The following PDE3B variants were observed in gnomAD, a reference collection of about 807,000 sequenced individuals.
The protein encoded by PDE3B is cGMP-inhibited 3',5'-cyclic phosphodiesterase 3B.
In PDE3B, 66 loss-of-function variants were observed where a neutral mutation model predicts 116.8. That is an observed-to-expected ratio of 0.56 (90% CI 0.46 to 0.69). The LOEUF (loss-of-function observed/expected upper bound fraction) is 0.69. Ranked by LOEUF, PDE3B falls within the 30% of genes least tolerant of loss-of-function variation. The pLI is 0.00. For missense variants in PDE3B, 1,384 were observed against 1,368.1 expected (o/e 1.01, Z -0.18); for synonymous variants, 595 against 533.6 (o/e 1.12, Z -1.59).
chr11:14,703,645 T>G (rs1235506866), intron 1 of PDE3B, among the ~76,000 whole-genome samples: 1 of 151,772 alleles, frequency 6.6e-6, no homozygotes, highest in Non-Finnish European at 1.5e-5. Context: ...GATGTCCAGG[T>G]AACACTAGAT....
At chr11:14,656,063 G>A (rs1449656567) in intron 1 of PDE3B, among the ~76,000 whole-genome samples, 7 of 152,274 alleles carry the variant, frequency 4.6e-5, no homozygotes, top group East Asian at 3.9e-4. Flanking sequence ...CAGGGAGCCC[G>A]TTATAATCAT....
chr11:14,685,372 C>A (rs569592910), intron 1 of PDE3B, among the ~76,000 whole-genome samples: 2 of 151,666 alleles, frequency 1.3e-5, no homozygotes, highest in East Asian at 1.9e-4. Context: ...CCTCCCTAAA[C>A]CTACTATGTA....
At position 14,720,561 on chromosome 11, in the gene PDE3B, G is replaced by C. The variant is rs868556297; in HGVS notation, c.979-51376G>C. ...ACAGTAACCAAAACAGCATGGTACTGGTACCAAAACAGAGATATAGATCAA... is the reference window on the plus strand; with the variant it reads ...ACAGTAACCAAAACAGCATGGTACTCGTACCAAAACAGAGATATAGATCAA... On this transcript the variant is annotated intron_variant, in intron 1 of 15. Transcript: ENST00000282096. 8.6e-3 allele frequency among the ~76,000 whole-genome samples: 32 copies of C among 3,734 alleles called. 3 individuals are homozygous for C. Among genetic ancestry groups the C allele is most frequent in the African/African-American group, 0.063 (32 of 504 alleles). 2.4% of individuals were successfully genotyped at this position (3,734 alleles called of 152,430 possible).
chr11:14,663,090 T>C (rs1853990714), intron 1 of PDE3B, among the ~76,000 whole-genome samples: 2 of 152,082 alleles, frequency 1.3e-5, no homozygotes, highest in African/African-American at 4.8e-5. Context: ...GGGAAGCCCA[T>C]CAGACTAACA....
At chr11:14,798,057 G>T (rs1027594715) in intron 4 of PDE3B, among the ~76,000 whole-genome samples, 4 of 152,122 alleles carry the variant, frequency 2.6e-5, no homozygotes, top group African/African-American at 9.7e-5. Context: ...GTATGATATT[G>T]CTTATTGGTT....
intron 5 of PDE3B, among the ~76,000 whole-genome samples, chr11:14,817,297 G>T (rs1309654921): frequency 6.6e-6 from 1 of 151,166 alleles, no homozygotes; most frequent in Non-Finnish European, 1.5e-5. Context: ...GGGGTGGGGG[G>T]ACGGGGGATG....
At chr11:14,877,381 G>C in the PDE3B span, 1 of 152,126 alleles carries the variant, frequency 6.6e-6, no homozygotes, top group Non-Finnish European at 1.5e-5. Context: ...CCTTGTGATT[G>C]GTTTTAGAAA....
At chr11:14,898,239 C>A in the PDE3B span, among the ~76,000 whole-genome samples, 1 of 152,034 alleles carries the variant, frequency 6.6e-6, no homozygotes, top group Non-Finnish European at 1.5e-5. Context: ...ATGGTGTTAT[C>A]CACAGAGAAC....
At chr11:14,711,517 C>T (rs1398930663) in intron 1 of PDE3B, among the ~76,000 whole-genome samples, 1 of 152,156 alleles carries the variant, frequency 6.6e-6, no homozygotes, top group Non-Finnish European at 1.5e-5. Context: ...AAGTTTTACT[C>T]ATGGCGGAAG....
chr11:14,649,492 G>A (rs1853503285), intron 1 of PDE3B, among the ~76,000 whole-genome samples: 1 of 152,166 alleles, frequency 6.6e-6, no homozygotes, highest in South Asian at 2.1e-4. Context: ...TTTACTCCTA[G>A]TCCACTTTTA....
At chr11:14,667,928 A>G (rs897723981) in intron 1 of PDE3B, among the ~76,000 whole-genome samples, 1 of 151,974 alleles carries the variant, frequency 6.6e-6, no homozygotes, top group African/African-American at 2.4e-5. Context: ...TCAAATAGCT[A>G]TTGAATGGGT....
intron 1 of PDE3B, among the ~76,000 whole-genome samples, chr11:14,661,009 G>C (rs950203448): frequency 2.0e-5 from 3 of 152,186 alleles, no homozygotes; most frequent in African/African-American, 7.2e-5. Flanking sequence ...TCATTAAAAA[G>C]TCAGGAAACA....
intron 1 of PDE3B, among the ~76,000 whole-genome samples, chr11:14,705,582 C>T (rs1170514823): frequency 6.6e-6 from 1 of 151,726 alleles, no homozygotes; most frequent in Non-Finnish European, 1.5e-5. Flanking sequence ...AGTTGTACAA[C>T]ATTTGTTAAA....
In PDE3B at chr11:14,867,574, A is replaced by C. The variant is rs891773278; in HGVS notation, c.2955A>C (p.Ala985=). 17 of 1,614,086 alleles carry C rather than the reference A, an allele frequency of 1.1e-5. No homozygotes were observed. Among genetic ancestry groups the C allele is most frequent in the Admixed American group, 1.7e-5 (1 of 60,006 alleles). Residue 985 remains alanine, a synonymous_variant, in exon 15 of 16, where the codon GCA becomes GCC. Coordinates refer to ENST00000282096, the MANE Select transcript of PDE3B (RefSeq NM_000922.4). ...PFMDRSSPQL[A]KLQESFITHI... ...TGGATCGTTCTTCTCCTCAACTAGC[A>C]AAACTCCAAGAATCTTTTATCACCC...
chr11:14,661,504 C>A lies in PDE3B; in HGVS notation c.978+16451C>A, dbSNP rs533909651. ...GTGCACGAGCCGAAGCAGGGTGAGG[C>A]ATTGCCTCACTCGGGAAGCGCAAGG... On this transcript the variant is annotated intron_variant, in intron 1 of 15. Transcript: ENST00000282096. Among the ~76,000 whole-genome samples, 12 of 152,346 alleles carry A rather than the reference C, an allele frequency of 7.9e-5. No individual in the cohort carries two copies. The East Asian group carries it at 1.9e-3, about 25-fold the overall frequency.
In PDE3B at chr11:14,848,187, T is replaced by C. The variant is rs375037474; in HGVS notation, c.2520+4161T>C. 4.0e-3 allele frequency among the ~76,000 whole-genome samples: 555 copies of C among 138,168 alleles called. 3 individuals carry two copies. Among genetic ancestry groups the C allele is most frequent in the African/African-American group, 0.015 (529 of 36,312 alleles). 90.6% of individuals were successfully genotyped at this position (138,168 alleles called of 152,430 possible). On this transcript the variant is annotated intron_variant, in intron 12 of 15. Coordinates refer to ENST00000282096, the MANE Select transcript of PDE3B (RefSeq NM_000922.4). The stretch of plus-strand genomic sequence containing the variant: ...TGGGATGCAAGGCTGGTTCAATATA[T>C]GCAAATCAATAAATGTAATCCAGCA...
chr11:14,858,849 T>G (rs1847895837), intron 12 of PDE3B, among the ~76,000 whole-genome samples, 194 bp from the exon 13 acceptor site: 1 of 152,208 alleles, frequency 6.6e-6, no homozygotes, highest in Non-Finnish European at 1.5e-5. Flanking sequence ...GAAAGGTGTA[T>G]CTTAACCTCT....
chr11:14,779,311 C>G lies in PDE3B; in HGVS notation c.1030-7126C>G, dbSNP rs1857895357. ...GGCCAACATTCAAATTCAGGAAATA[C>G]AGAGAACACCACAAAGATACTCCTC... On this transcript the variant is annotated intron_variant, in intron 2 of 15. Coordinates refer to ENST00000282096, the MANE Select transcript of PDE3B (RefSeq NM_000922.4). Among the ~76,000 whole-genome samples the G allele has an allele frequency of 1.3e-5, 2 of 152,098 alleles. 1 individual carries two copies. The highest frequency in any genetic ancestry group is 4.1e-4 in the South Asian group (2 of 4,836).
chr11:14,745,633 T>A (rs1476457772), intron 1 of PDE3B, among the ~76,000 whole-genome samples: 2 of 152,182 alleles, frequency 1.3e-5, no homozygotes, highest in Non-Finnish European at 2.9e-5. Context: ...AAGTCAGAGG[T>A]GGATAGGAAT....
Sources: allele counts gnomAD v4.1 joint callset (sites outside exome capture counted in the v4.1 genomes callset), GRCh38; gene constraint gnomAD v4.1.1; transcripts MANE v1.5; gene names NCBI Gene and HGNC (gene_info 2026-07-23, HGNC 2026-07-21).